HS3ST5: variants seen among roughly 807,000 people sequenced by gnomAD.
The protein encoded by HS3ST5 is heparan sulfate glucosamine 3-O-sulfotransferase 5.
Under a neutral mutation model 25.4 loss-of-function variants are expected in HS3ST5, and 10 were observed. The observed-to-expected ratio is 0.39, with a 90% CI of 0.24 to 0.67. The LOEUF is 0.67. Ranked by LOEUF, HS3ST5 falls within the 30% of genes least tolerant of loss-of-function variation. The pLI is 0.44. For missense variants in HS3ST5, 324 were observed against 420.7 expected, an observed-to-expected ratio of 0.77 and a Z score of 2.01; for synonymous variants, 170 against 162.4, an observed-to-expected ratio of 1.05 and a Z score of -0.36.
intron 3 of HS3ST5, among the ~76,000 whole-genome samples, chr6:114,140,203 T>C (rs576566029): frequency 6.6e-6 from 1 of 152,330 alleles, no homozygotes; most frequent in African/African-American, 2.4e-5. Context: ...AAATAATGTC[T>C]AATCTATACT....
chr6:114,109,680 A>G (rs1453948897), intron 3 of HS3ST5, among the ~76,000 whole-genome samples: 1 of 152,168 alleles, frequency 6.6e-6, no homozygotes, highest in African/African-American at 2.4e-5. Context: ...TGTTCATGAG[A>G]GGTGTAGATA....
rs1317517529 is a variant in HS3ST5, at chr6:114,106,717, A to G, written c.-32-43840T>C. Among the ~76,000 whole-genome samples the G allele has an allele frequency of 1.5e-4, 23 of 152,096 alleles. 1 individual carries two copies. Among genetic ancestry groups the G allele is most frequent in the Admixed American group, 1.5e-3 (23 of 15,274 alleles). On this transcript the variant is annotated intron_variant, in intron 3 of 4. Transcript: ENST00000312719. ...ATTACTGAAATCACTTATTCAAGGT[A>G]ATTATGAAATGCAAGGTACAATGTA...
At chr6:114,180,278 T>G (rs1460449960) in intron 2 of HS3ST5, among the ~76,000 whole-genome samples, 2 of 152,158 alleles carry the variant, frequency 1.3e-5, no homozygotes, top group Non-Finnish European at 2.9e-5. Flanking sequence ...AGGCAAATAT[T>G]GCTTCAACAC....
chr6:114,064,252 A>T (rs1334676738), intron 3 of HS3ST5, among the ~76,000 whole-genome samples: 1 of 152,202 alleles, frequency 6.6e-6, no homozygotes, highest in East Asian at 1.9e-4. Flanking sequence ...TGATCTATTC[A>T]TTCATTATTC....
At chr6:114,225,910 A>G (rs2114511517) in intron 2 of HS3ST5, among the ~76,000 whole-genome samples, 1 of 152,060 alleles carries the variant, frequency 6.6e-6, no homozygotes, top group Non-Finnish European at 1.5e-5. Flanking sequence ...TGCTTACAAC[A>G]TAAGGGCCAG....
chr6:114,068,961 A>G (rs1030452115), intron 3 of HS3ST5, among the ~76,000 whole-genome samples: 1 of 152,206 alleles, frequency 6.6e-6, no homozygotes, highest in African/African-American at 2.4e-5. Context: ...GACAAATTGT[A>G]GAGACATCTG....
chr6:114,128,146 C>G (rs1158580579), intron 3 of HS3ST5, among the ~76,000 whole-genome samples: 1 of 152,032 alleles, frequency 6.6e-6, no homozygotes, highest in Non-Finnish European at 1.5e-5. Context: ...AGAACTCCTC[C>G]AGATAATTCT....
At chr6:114,077,823 T>C (rs902436689) in intron 3 of HS3ST5, among the ~76,000 whole-genome samples, 1 of 152,224 alleles carries the variant, frequency 6.6e-6, no homozygotes, top group Non-Finnish European at 1.5e-5. Context: ...TGTATATAAA[T>C]GGCTTTTAAT....
At chr6:114,103,456 A>G (rs1452926102) in intron 3 of HS3ST5, among the ~76,000 whole-genome samples, 1 of 152,168 alleles carries the variant, frequency 6.6e-6, no homozygotes, top group African/African-American at 2.4e-5. Context: ...TATTAACTAA[A>G]TAATTGTATA....
At chr6:114,139,051 CA>C (rs996579260) in intron 3 of HS3ST5, among the ~76,000 whole-genome samples, 21 of 152,258 alleles carry the variant, frequency 1.4e-4, no homozygotes, top group African/African-American at 5.1e-4. Context: ...GCTGAAGGGA[CA>C]AAAATATTCA....
In HS3ST5 at chr6:114,342,606, C is replaced by G. The variant is rs1487663527; in HGVS notation, c.-750G>C. ...ACGGGCGGCCGCAGGAGCCGGAGTC[C>G]GCGCAGTGCCGGAGACCGCAGCCGC... On this transcript the variant is annotated 5_prime_UTR_variant, in exon 1 of 5. Transcript: ENST00000312719. 3.3e-5 allele frequency: 5 copies of G among 153,718 alleles called. No homozygotes were observed. The highest frequency in any genetic ancestry group is 7.2e-5 in the African/African-American group (3 of 41,444). 9.5% of individuals were successfully genotyped at this position (153,718 alleles called of 1,614,324 possible). A position where few individuals can be genotyped will look rare whatever the true frequency, so the allele number is the denominator to read the frequency against.
At chr6:114,243,740 T>C (rs1214879321) in intron 1 of HS3ST5, among the ~76,000 whole-genome samples, 1 of 152,212 alleles carries the variant, frequency 6.6e-6, no homozygotes, top group Non-Finnish European at 1.5e-5. Flanking sequence ...GAAGGTGGGA[T>C]GTCTTTCTCT....
chr6:114,307,547 T>C (rs1775349325), intron 1 of HS3ST5, among the ~76,000 whole-genome samples: 2 of 152,012 alleles, frequency 1.3e-5, no homozygotes, highest in Non-Finnish European at 2.9e-5. Flanking sequence ...TTCTGGAGAA[T>C]CATGATAAAA....
At chr6:114,335,379 C>T (rs755093728) in intron 1 of HS3ST5, among the ~76,000 whole-genome samples, 24 of 151,264 alleles carry the variant, frequency 1.6e-4, no homozygotes, top group Non-Finnish European at 3.2e-4. Context: ...ATTTAGTGAC[C>T]AGAGTTAGGA....
chr6:114,105,333 G>C (rs1775939867), intron 3 of HS3ST5, among the ~76,000 whole-genome samples: 5 of 152,154 alleles, frequency 3.3e-5, no homozygotes, highest in African/African-American at 9.7e-5. Context: ...ACACAGTAGA[G>C]TAGCACTGTT....
intron 3 of HS3ST5, among the ~76,000 whole-genome samples, chr6:114,087,306 T>G (rs1774890614): frequency 2.0e-5 from 3 of 152,218 alleles, no homozygotes; most frequent in African/African-American, 7.2e-5. Flanking sequence ...ATGATGCCCG[T>G]TCTTCCATTT....
rs939324218 is a variant in HS3ST5, at chr6:114,238,025, A to G, written c.-338-9247T>C. 4.6e-5 allele frequency among the ~76,000 whole-genome samples: 7 copies of G among 152,358 alleles called. 1 individual carries two copies. In the East Asian group the frequency reaches 1.2e-3, roughly 25 times the overall value. ...TAGAATCCTAAGCTTTTAAAAATTCATCTACTTTAAACATACAAAATACAA... is the reference window on the plus strand; with the variant it reads ...TAGAATCCTAAGCTTTTAAAAATTCGTCTACTTTAAACATACAAAATACAA... On this transcript the variant is annotated intron_variant, in intron 1 of 4. Transcript: ENST00000312719.
intron 2 of HS3ST5, among the ~76,000 whole-genome samples, chr6:114,168,889 T>G (rs1163767852): frequency 3.3e-5 from 5 of 152,212 alleles, no homozygotes; most frequent in Non-Finnish European, 5.9e-5. Context: ...TATATGATTA[T>G]TTATATCAAT....
At chr6:114,298,237 C>T (rs1774912603) in intron 1 of HS3ST5, among the ~76,000 whole-genome samples, 1 of 152,056 alleles carries the variant, frequency 6.6e-6, no homozygotes, top group African/African-American at 2.4e-5. Context: ...ATTTTTGTTT[C>T]AAGTATGCAT....
Sources: gnomAD v4.1 joint callset for allele counts (sites outside exome capture counted in the v4.1 genomes callset) on GRCh38, gnomAD v4.1.1 for gene constraint, MANE v1.5 for transcripts, NCBI Gene and HGNC (gene_info 2026-07-23, HGNC 2026-07-21) for gene names.